Variants in SMAP2 observed in about 807,000 individuals in gnomAD.
SMAP2 encodes small ArfGAP2.
In SMAP2, 25 loss-of-function variants were observed where a neutral mutation model predicts 56.4. The ratio of observed to expected loss-of-function variants is 0.44; its 90% CI spans 0.32 to 0.62. The LOEUF is 0.62. Ranked by LOEUF, SMAP2 falls within the 20% of genes least tolerant of loss-of-function variation. The pLI, the probability that SMAP2 is intolerant of heterozygous loss-of-function variation, is 0.04. For missense variants in SMAP2, 388 were observed against 545.6 expected (o/e 0.71, Z 2.88); for synonymous variants, 157 against 181.7 (o/e 0.86, Z 1.09).
rs1015864977 is a variant in SMAP2 at position 40,417,965 on chromosome 1, A to C, written c.1164+869A>C. 9.2e-5 allele frequency among the ~76,000 whole-genome samples: 14 copies of C among 152,322 alleles called. 1 individual carries two copies. The highest frequency in any genetic ancestry group is 5.8e-4 in the East Asian group (3 of 5,190). Reference sequence around the variant, plus strand: ...CCTTACAAAAATGAACCAAACATGGAAGCTGACATTTGTACACAACTACTA... The same window carrying C: ...CCTTACAAAAATGAACCAAACATGGCAGCTGACATTTGTACACAACTACTA... On this transcript the variant is annotated intron_variant, in intron 9 of 9. Coordinates refer to ENST00000372718, the MANE Select transcript of SMAP2 (RefSeq NM_022733.3).
intron 1 of SMAP2, among the ~76,000 whole-genome samples, chr1:40,361,551 CT>C (rs1037782656): frequency 2.4e-4 from 37 of 152,086 alleles, no homozygotes; most frequent in African/African-American, 8.7e-4. Context: ...CAGACCTTAG[CT>C]CTTAGATGGC....
intron 1 of SMAP2, among the ~76,000 whole-genome samples, chr1:40,401,212 G>A (rs978720196): frequency 1.3e-5 from 2 of 152,302 alleles, no homozygotes; most frequent in Admixed American, 1.3e-4. Context: ...GCAGTGAGCC[G>A]AGATCGCGCC....
At chr1:40,364,858 T>G (rs2124182188) in intron 2 of SMAP2, 1 of 194,118 alleles carries the variant, frequency 5.2e-6, no homozygotes, top group East Asian at 1.2e-4. Context: ...GTATAATGTC[T>G]TTTTAGCCTC....
At chr1:40,356,099 G>C (rs565353160) in intron 1 of SMAP2, among the ~76,000 whole-genome samples, 1 of 152,136 alleles carries the variant, frequency 6.6e-6, no homozygotes, top group Non-Finnish European at 1.5e-5. Flanking sequence ...GTCTTTCTGT[G>C]CCTGGCTCAT....
chr1:40,413,948 A>G (rs558844518), intron 5 of SMAP2: 21 of 523,988 alleles, frequency 4.0e-5, no homozygotes, highest in Middle Eastern at 4.8e-4. Flanking sequence ...ATCACAGGCG[A>G]TATCTTTGTT....
upstream of SMAP2, among the ~76,000 whole-genome samples, chr1:40,369,523 C>CAGAA (rs1644489224): frequency 6.6e-6 from 1 of 150,512 alleles, no homozygotes; most frequent in South Asian, 2.1e-4. Flanking sequence ...ATCAATGGAA[C>CAGAA]AGAACAGAGC....
intron 1 of SMAP2, among the ~76,000 whole-genome samples, chr1:40,359,373 G>A (rs1644449939): frequency 6.6e-6 from 1 of 152,330 alleles, no homozygotes; most frequent in African/African-American, 2.4e-5. Flanking sequence ...AAAGTGCTGG[G>A]ATTACAGGCA....
chr1:40,378,159 C>G (rs1644559784), intron 1 of SMAP2, among the ~76,000 whole-genome samples: 1 of 152,166 alleles, frequency 6.6e-6, no homozygotes, highest in South Asian at 2.1e-4. Flanking sequence ...GGGTCTTGCT[C>G]TGCCACCCAG....
At chr1:40,396,153 A>G (rs1644769911) in intron 1 of SMAP2, among the ~76,000 whole-genome samples, 3 of 152,268 alleles carry the variant, frequency 2.0e-5, no homozygotes, top group African/African-American at 7.2e-5. Flanking sequence ...TTTATCTTTC[A>G]TACTTTGATA....
At chr1:40,345,608 T>A (rs1441434152) in intron 1 of SMAP2, among the ~76,000 whole-genome samples, 1 of 151,990 alleles carries the variant, frequency 6.6e-6, no homozygotes, top group Non-Finnish European at 1.5e-5. Context: ...ATTACAAGTG[T>A]GAGCCATGCA....
At chr1:40,348,651 T>A (rs2124153316) in intron 1 of SMAP2, among the ~76,000 whole-genome samples, 1 of 151,866 alleles carries the variant, frequency 6.6e-6, no homozygotes, top group African/African-American at 2.4e-5. Context: ...CACTCAAGCC[T>A]GGGTGACAGA....
intron 2 of SMAP2, among the ~76,000 whole-genome samples, chr1:40,367,880 C>CA (rs1368043871): frequency 9.2e-6 from 1 of 108,456 alleles, no homozygotes; most frequent in Non-Finnish European, 1.8e-5. Flanking sequence ...AATAGAGACA[C>CA]AAAAAACCCT....
intron 1 of SMAP2, chr1:40,393,541 CTTTTTTTTT>C: frequency 1.2e-4 from 97 of 812,030 alleles, no homozygotes; most frequent in South Asian, 1.4e-4. Flanking sequence ...GTTCTTCTAA[CTTTTTTTTT>C]TTTTTTTTTT....
chr1:40,393,200 C>A, intron 1 of SMAP2: 1 of 734,380 alleles, frequency 1.4e-6, no homozygotes, highest in Non-Finnish European at 2.0e-6. Context: ...GTAGCACATG[C>A]CTGTAGTCCC....
intron 1 of SMAP2, among the ~76,000 whole-genome samples, chr1:40,405,197 C>G (rs1644874492): frequency 6.6e-6 from 1 of 152,200 alleles, no homozygotes. Context: ...GCTGTCAAAA[C>G]CTTCAGGCTG....
intron 1 of SMAP2, among the ~76,000 whole-genome samples, chr1:40,378,970 TC>T (rs1190580223): frequency 2.1e-5 from 3 of 141,500 alleles, no homozygotes; most frequent in Admixed American, 7.2e-5. Context: ...CAATTTCTTT[TC>T]TTTTCTTTTC....
chr1:40,409,596 A>G (rs1401858915), intron 3 of SMAP2, among the ~76,000 whole-genome samples, 161 bp from the exon 4 acceptor site: 3 of 152,204 alleles, frequency 2.0e-5, no homozygotes, highest in African/African-American at 7.2e-5. Context: ...AGGCATTTTA[A>G]GGTTTTGGTC....
At chr1:40,388,958 C>T (rs1483023123) in intron 1 of SMAP2, among the ~76,000 whole-genome samples, 3 of 152,052 alleles carry the variant, frequency 2.0e-5, no homozygotes, top group Non-Finnish European at 4.4e-5. Flanking sequence ...TTAACACTCA[C>T]CGCGAGGGTC....
chr1:40,353,854 G>A (rs1377952941), intron 1 of SMAP2, among the ~76,000 whole-genome samples: 10 of 151,976 alleles, frequency 6.6e-5, no homozygotes, highest in Non-Finnish European at 1.5e-5. Context: ...GCCTCCCAGA[G>A]TGCTGGGATT....
Sources: allele counts gnomAD v4.1 joint callset (sites outside exome capture counted in the v4.1 genomes callset), GRCh38; gene constraint gnomAD v4.1.1; transcripts MANE v1.5; gene names NCBI Gene and HGNC (gene_info 2026-07-23, HGNC 2026-07-21).